The following ZBTB7C variants were observed in gnomAD, a reference collection of about 807,000 sequenced individuals.
ZBTB7C encodes the protein zinc finger and BTB domain containing 7C.
A neutral mutation model predicts 25.7 loss-of-function variants in ZBTB7C; 8 were observed. The ratio of observed to expected loss-of-function variants is 0.31; its 90% CI spans 0.18 to 0.56. The LOEUF (loss-of-function observed/expected upper bound fraction) is 0.56, where lower values mean the gene tolerates loss of function less well. Among genes scored for constraint, ZBTB7C ranks in the 20% least tolerant of loss-of-function variants. The pLI is 0.91. For missense variants in ZBTB7C, 824 were observed against 855.2 expected, an observed-to-expected ratio of 0.96 and a Z score of 0.46; for synonymous variants, 394 against 369.0, an observed-to-expected ratio of 1.07 and a Z score of -0.78.
chr18:48,404,821 G>C (rs373362279), intron 1 of ZBTB7C, among the ~76,000 whole-genome samples: 15 of 152,300 alleles, frequency 9.8e-5, no homozygotes, highest in African/African-American at 3.6e-4. Flanking sequence ...TTCAGCAAAT[G>C]TTTTTCATGT....
At chr18:48,121,069 C>T (rs1374722704) in intron 3 of ZBTB7C, among the ~76,000 whole-genome samples, 1 of 152,250 alleles carries the variant, frequency 6.6e-6, no homozygotes, top group African/African-American at 2.4e-5. Flanking sequence ...ACTTCTCACA[C>T]CTACTCCTGC....
chr18:48,065,817 G>A (rs759304195), intron 3 of ZBTB7C, among the ~76,000 whole-genome samples: 12 of 152,170 alleles, frequency 7.9e-5, no homozygotes, highest in Non-Finnish European at 1.5e-4. Flanking sequence ...TAGGGCCGTT[G>A]GAGAAGTGGT....
chr18:48,110,038 T>C (rs1348772811), intron 3 of ZBTB7C, among the ~76,000 whole-genome samples: 1 of 145,826 alleles, frequency 6.9e-6, no homozygotes, highest in Non-Finnish European at 1.5e-5. Context: ...TAGGGAGTGG[T>C]AGAGACCCAG....
intron 3 of ZBTB7C, among the ~76,000 whole-genome samples, chr18:48,056,238 T>G (rs2036909667): frequency 6.6e-6 from 1 of 152,144 alleles, no homozygotes; most frequent in Non-Finnish European, 1.5e-5. Context: ...AAGACTTAAG[T>G]CAATGGAAAG....
chr18:48,361,110 G>T (rs1289972945), intron 1 of ZBTB7C, among the ~76,000 whole-genome samples: 1 of 152,112 alleles, frequency 6.6e-6, no homozygotes, highest in Non-Finnish European at 1.5e-5. Flanking sequence ...TGGTGGGGTA[G>T]CCTGGGCAGG....
chr18:48,119,788 T>C (rs1568233867), intron 3 of ZBTB7C, among the ~76,000 whole-genome samples: 1 of 152,108 alleles, frequency 6.6e-6, no homozygotes, highest in Non-Finnish European at 1.5e-5. Flanking sequence ...GGTGAGGACA[T>C]ACCAACATAA....
At chr18:48,190,607 G>A (rs9958286) in intron 2 of ZBTB7C, among the ~76,000 whole-genome samples, 8,598 of 152,272 alleles carry the variant, frequency 0.056, 284 homozygotes, top group African/African-American at 0.078. Context: ...TAGCCTGCAT[G>A]ACATCCTTCA....
At chr18:48,188,879 G>A (rs2042127058) in intron 2 of ZBTB7C, among the ~76,000 whole-genome samples, 1 of 152,048 alleles carries the variant, frequency 6.6e-6, no homozygotes. Context: ...CCACATCAAA[G>A]TCCACCTCCC....
intron 2 of ZBTB7C, among the ~76,000 whole-genome samples, chr18:48,285,400 A>G (rs1420875168): frequency 6.6e-6 from 1 of 152,168 alleles, no homozygotes; most frequent in Admixed American, 6.5e-5. Context: ...CTGTTTATTT[A>G]TATTTTTCTC....
intron 2 of ZBTB7C, among the ~76,000 whole-genome samples, chr18:48,243,713 C>T (rs998004049): frequency 6.6e-6 from 1 of 152,120 alleles, no homozygotes; most frequent in Admixed American, 6.5e-5. Flanking sequence ...GCTCACATAG[C>T]CAAAGCAAGA....
chr18:48,186,075 G>T (rs1034350734), intron 2 of ZBTB7C, 80 bp from the exon 3 acceptor site: 2 of 152,344 alleles, frequency 1.3e-5, no homozygotes, highest in African/African-American at 4.8e-5. Context: ...CCGACCTCAG[G>T]CTTCTGCACC....
chr18:48,139,910 T>C (rs2040290691), intron 3 of ZBTB7C, among the ~76,000 whole-genome samples: 1 of 152,048 alleles, frequency 6.6e-6, no homozygotes, highest in Non-Finnish European at 1.5e-5. Flanking sequence ...CTCCTCCTCC[T>C]CCTCAGCTCC....
chr18:48,207,858 T>C (rs2042615380), intron 2 of ZBTB7C, among the ~76,000 whole-genome samples: 2 of 152,206 alleles, frequency 1.3e-5, no homozygotes, highest in Non-Finnish European at 2.9e-5. Flanking sequence ...CAAGTCAGGA[T>C]AGTGGTTACC....
At chr18:48,079,778 T>C (rs1429701276) in intron 3 of ZBTB7C, among the ~76,000 whole-genome samples, 1 of 152,098 alleles carries the variant, frequency 6.6e-6, no homozygotes, top group Non-Finnish European at 1.5e-5. Flanking sequence ...CTTCGTGGGG[T>C]ATGATGTAGC....
At chr18:48,245,397 A>G (rs1267270738) in intron 2 of ZBTB7C, among the ~76,000 whole-genome samples, 2 of 151,416 alleles carry the variant, frequency 1.3e-5, no homozygotes, top group Non-Finnish European at 2.9e-5. Flanking sequence ...TGGGTGCACC[A>G]AAATCTCAGA....
At chr18:48,238,415 C>A (rs577012126) in intron 2 of ZBTB7C, among the ~76,000 whole-genome samples, 1 of 152,164 alleles carries the variant, frequency 6.6e-6, no homozygotes, top group African/African-American at 2.4e-5. Flanking sequence ...TTGAAGGAAG[C>A]GGCTTGCCAC....
intron 2 of ZBTB7C, among the ~76,000 whole-genome samples, chr18:48,223,462 G>A (rs767497430): frequency 1.3e-5 from 2 of 152,198 alleles, no homozygotes; most frequent in African/African-American, 4.8e-5. Flanking sequence ...TAATTAACTG[G>A]CCTTCACAGA....
intron 2 of ZBTB7C, among the ~76,000 whole-genome samples, chr18:48,218,576 C>G (rs142630058): frequency 6.6e-6 from 1 of 152,218 alleles, no homozygotes; most frequent in Non-Finnish European, 1.5e-5. Context: ...AAAGCAGGGG[C>G]CTGGTTTCAG....
chr18:48,030,038 G>A, intron 4 of ZBTB7C, 127 bp from the exon 5 acceptor site: 2 of 1,246,104 alleles, frequency 1.6e-6, no homozygotes, highest in Non-Finnish European at 2.2e-6. Context: ...CCAGAAATAG[G>A]TCTCATGCTA....
Sources: allele counts gnomAD v4.1 joint callset (sites outside exome capture counted in the v4.1 genomes callset), GRCh38; gene constraint gnomAD v4.1.1; transcripts MANE v1.5; gene names NCBI Gene and HGNC (gene_info 2026-07-23, HGNC 2026-07-21).